Variants in SYTL3 observed in about 807,000 individuals in gnomAD.
SYTL3 encodes synaptotagmin-like protein 3.
SYTL3 carries 88 observed loss-of-function variants against 82.1 expected under a neutral mutation model. The ratio of observed to expected loss-of-function variants is 1.07; its 90% CI spans 0.90 to 1.28. The LOEUF is 1.28. SYTL3 is among the 50% of genes most tolerant of loss of function. The pLI, the probability that SYTL3 is intolerant of heterozygous loss-of-function variation, is 0.00. For synonymous variants in SYTL3, 311 were observed against 289.4 expected, an observed-to-expected ratio of 1.07 and a Z score of -0.76; for missense variants, 831 against 757.6, an observed-to-expected ratio of 1.10 and a Z score of -1.14.
At chr6:158,754,280 G>T (rs1392623312) in intron 13 of SYTL3, among the ~76,000 whole-genome samples, 1 of 152,216 alleles carries the variant, frequency 6.6e-6, no homozygotes, top group Non-Finnish European at 1.5e-5. Context: ...TGTCCTGGGG[G>T]CCTGGAGAGG....
intron 6 of SYTL3, among the ~76,000 whole-genome samples, chr6:158,702,552 G>T (rs556290777): frequency 1.4e-5 from 2 of 146,466 alleles, no homozygotes; most frequent in Non-Finnish European, 2.9e-5. Context: ...AAAAACAAGA[G>T]GGGGGGAAAA....
intron 5 of SYTL3, among the ~76,000 whole-genome samples, chr6:158,671,751 A>AAGG (rs59174986): frequency 6.7e-6 from 1 of 149,578 alleles, no homozygotes; most frequent in Non-Finnish European, 1.5e-5. Flanking sequence ...AAAAAAAAAG[A>AAGG]TAATTATTTA....
rs1789292010 is a variant in SYTL3 at position 158,757,529 on chromosome 6, A to G, written c.1308+148A>G. Reference sequence around the variant, plus strand: ...CGGCCTGGCGCTGTGACTTTGAAATAGTTACTTTCTTGTGGGTGGGGTGGG... The same window carrying G: ...CGGCCTGGCGCTGTGACTTTGAAATGGTTACTTTCTTGTGGGTGGGGTGGG... On this transcript the variant is annotated intron_variant, in intron 14 of 17. Coordinates refer to ENST00000611299, the MANE Select transcript of SYTL3 (RefSeq NM_001242394.2). The G allele has an allele frequency of 3.5e-6, 3 of 854,592 alleles. No homozygotes were observed. In the Admixed American group the frequency reaches 8.2e-5, roughly 23 times the overall value. 52.9% of individuals were successfully genotyped at this position (854,592 alleles called of 1,614,324 possible). A position where few individuals can be genotyped will look rare whatever the true frequency, so the allele number is the denominator to read the frequency against.
chr6:158,669,656 T>TA, intron 5 of SYTL3, among the ~76,000 whole-genome samples: 1 of 152,354 alleles, frequency 6.6e-6, no homozygotes, highest in East Asian at 1.9e-4. Flanking sequence ...AAGAGCTGCT[T>TA]AAGTGTGTTC....
intron 11 of SYTL3, among the ~76,000 whole-genome samples, chr6:158,737,793 C>T (rs1219667253): frequency 1.3e-5 from 2 of 152,212 alleles, no homozygotes; most frequent in Admixed American, 6.5e-5. Context: ...GATGGACGTG[C>T]TCTGCTCTCC....
At position 158,665,409 on chromosome 6, in the gene SYTL3, A is replaced by G; in HGVS notation, c.125A>G (p.His42Arg). The change falls in exon 5 of 18, where the codon CAC (histidine) becomes CGC (arginine). Residue 42 changes from histidine (H) to arginine (R), a missense_variant. By Grantham distance (29) the His-to-Arg change is conservative (BLOSUM62 0). Coordinates refer to ENST00000611299, the MANE Select transcript of SYTL3 (RefSeq NM_001242394.2). ...GAGGGCTGCAGGAAACTGAAAACAC[A>G]CCTGCAGCATCTCCGGTGGAAAGGA... ...EEERTRKLKT[H>R]LQHLRWKGAK... The G allele has an allele frequency of 4.4e-6, 7 of 1,595,624 alleles. No homozygotes were observed. The highest frequency in any genetic ancestry group is 6.0e-6 in the Non-Finnish European group (7 of 1,170,964).
intron 5 of SYTL3, among the ~76,000 whole-genome samples, chr6:158,682,244 A>G (rs1778777090): frequency 6.7e-6 from 1 of 150,012 alleles, no homozygotes; most frequent in Non-Finnish European, 1.5e-5. Flanking sequence ...TGGCTGATAC[A>G]TTGGTCATTT....
intron 2 of SYTL3, among the ~76,000 whole-genome samples, chr6:158,655,937 G>A (rs573674743): frequency 9.2e-5 from 14 of 152,326 alleles, no homozygotes; most frequent in African/African-American, 2.9e-4. Context: ...GGGCCGATGC[G>A]TGGAAATGCA....
chr6:158,717,851 C>T (rs143438386), intron 9 of SYTL3, among the ~76,000 whole-genome samples: 11 of 152,278 alleles, frequency 7.2e-5, no homozygotes, highest in Middle Eastern at 3.4e-3. Flanking sequence ...GTGGCCACAG[C>T]GGGACCTTGA....
chr6:158,752,551 G>A (rs1415095978), intron 13 of SYTL3, among the ~76,000 whole-genome samples: 1 of 152,112 alleles, frequency 6.6e-6, no homozygotes, highest in Non-Finnish European at 1.5e-5. Flanking sequence ...CACTTTCTAT[G>A]ATACTAGGAA....
rs749768882 is a variant in SYTL3, at chr6:158,663,285, ATC to A, written c.19_20del (p.Leu7GlufsTer115). Reference sequence around the variant, plus strand: ...GGAGAAGAAATGGCCCAAGAAATAGATCTGAGTGCTCTCAAGGAGTTAGAACG... The same window carrying A: ...GGAGAAGAAATGGCCCAAGAAATAGATGAGTGCTCTCAAGGAGTTAGAACG... On this transcript the variant is annotated frameshift_variant, in exon 4 of 18. Transcript: ENST00000611299. LOFTEE classifies it high-confidence loss of function. 1.9e-5 allele frequency: 31 copies of A among 1,614,102 alleles called. 1 individual carries two copies. In the South Asian group the frequency reaches 3.0e-4, roughly 15 times the overall value.
At chr6:158,746,323 G>A (rs1313785071) in intron 12 of SYTL3, among the ~76,000 whole-genome samples, 1 of 151,802 alleles carries the variant, frequency 6.6e-6, no homozygotes, top group Non-Finnish European at 1.5e-5. Context: ...AATAAATGAT[G>A]TTGAAAAATT....
rs537457608 is a variant in SYTL3 at position 158,652,663 on chromosome 6, T to TC, written c.-637+824dup. 1.2e-4 allele frequency among the ~76,000 whole-genome samples: 19 copies of TC among 152,260 alleles called. No individual in the cohort carries two copies. The South Asian group carries it at 3.9e-3, about 32-fold the overall frequency. ...AGGTTCAAACAATTCTGTCTCAGCTTCCCGAGTAGCTGGGATTACAGGTGC... is the reference window on the plus strand; with the variant it reads ...AGGTTCAAACAATTCTGTCTCAGCTTCCCCGAGTAGCTGGGATTACAGGTGC... On this transcript the variant is annotated intron_variant, in intron 2 of 17. Coordinates refer to ENST00000611299, the MANE Select transcript of SYTL3 (RefSeq NM_001242394.2).
Position 158,711,706 on chromosome 6 carries a change from A to G in SYTL3, c.517-2094A>G, listed in dbSNP as rs373263333. Among the ~76,000 whole-genome samples, 5 of 152,322 alleles carry G rather than the reference A, an allele frequency of 3.3e-5. No individual in the cohort carries two copies. In the East Asian group the frequency reaches 9.6e-4, roughly 29 times the overall value. On this transcript the variant is annotated intron_variant, in intron 8 of 17. Coordinates refer to ENST00000611299, the MANE Select transcript of SYTL3 (RefSeq NM_001242394.2). The stretch of plus-strand genomic sequence containing the variant: ...TGAGGGCTGCTGGTTGCCCATTTTT[A>G]TGGCTATTTCTCAATGATATGCTCA...
chr6:158,715,639 A>ACCCCCCCCCCCCCC (rs71030193), intron 9 of SYTL3, among the ~76,000 whole-genome samples: 2 of 92,994 alleles, frequency 2.2e-5, no homozygotes, highest in Admixed American at 1.1e-4. Flanking sequence ...CACCCCCCAT[A>ACCCCCCCCCCCCCC]CCCCCCCACC....
rs757822377 is a variant in SYTL3 at position 158,763,460 on chromosome 6, C to A, written c.1674C>A (p.Ala558=). Residue 558 remains alanine, a synonymous_variant, in exon 17 of 18, where the codon GCC becomes GCA. Coordinates refer to ENST00000611299, the MANE Select transcript of SYTL3 (RefSeq NM_001242394.2). The stretch of plus-strand genomic sequence containing the variant: ...TGGAGTTAACTGTCTGGGATCAGGC[C>A]CTCTTTGGAATGAACGACCGCTTGC... ...SSLELTVWDQ[A]LFGMNDRLLG... is the part of the protein sequence containing the mutation. 34 of 1,614,018 alleles carry A rather than the reference C, an allele frequency of 2.1e-5. No individual in the cohort carries two copies. Among genetic ancestry groups the A allele is most frequent in the Non-Finnish European group, 2.8e-5 (33 of 1,180,024 alleles).
At chr6:158,691,861 C>T (rs1431860485) in intron 6 of SYTL3, among the ~76,000 whole-genome samples, 1 of 150,580 alleles carries the variant, frequency 6.6e-6, no homozygotes, top group African/African-American at 2.4e-5. Flanking sequence ...CCGTGTTAGC[C>T]AAGATGGTCA....
intron 2 of SYTL3, among the ~76,000 whole-genome samples, chr6:158,652,781 T>A (rs1788190700): frequency 6.6e-6 from 1 of 152,088 alleles, no homozygotes; most frequent in Admixed American, 6.6e-5. Flanking sequence ...GACCTCGTGA[T>A]CCACCCACCT....
intron 13 of SYTL3, among the ~76,000 whole-genome samples, chr6:158,752,387 C>T (rs374080958): frequency 3.3e-5 from 5 of 152,324 alleles, no homozygotes; most frequent in African/African-American, 1.2e-4. Context: ...GAGGTGCTCT[C>T]AGACAGAGTG....
Sources: gnomAD v4.1 joint callset for allele counts (sites outside exome capture counted in the v4.1 genomes callset) on GRCh38, gnomAD v4.1.1 for gene constraint, MANE v1.5 for transcripts, NCBI Gene and HGNC (gene_info 2026-07-23, HGNC 2026-07-21) for gene names.